The following CASK variants were observed in gnomAD, a reference collection of about 807,000 sequenced individuals.
CASK encodes calcium/calmodulin dependent serine protein kinase.
A neutral mutation model predicts 82.9 loss-of-function variants in CASK; 4 were observed. The observed-to-expected ratio is 0.05, with a 90% CI of 0.02 to 0.11. CASK has a LOEUF of 0.11. Among genes scored for constraint, CASK ranks in the 10% least tolerant of loss-of-function variants. The probability of loss-of-function intolerance (pLI) is 1.00; values close to 1 mark genes in which losing one functional copy is unlikely to be tolerated. For synonymous variants in CASK, 259 were observed against 253.5 expected (o/e 1.02, Z -0.20); for missense variants, 358 against 720.9 (o/e 0.50, Z 5.76).
intron 16 of CASK, 100 bp from the exon 17 acceptor site, chrX:41,561,744 T>C (rs747229318): frequency 3.7e-5 from 23 of 623,401 alleles, no homozygotes; most frequent in Non-Finnish European, 5.6e-5. Flanking sequence ...AAGTTGAATA[T>C]TGAGGGCCAA....
rs2072817690 is a variant in CASK at position 41,923,127 on chromosome X, G to C, written c.-139C>G. On this transcript the variant is annotated 5_prime_UTR_variant, in exon 1 of 27. Coordinates refer to ENST00000378163, the MANE Select transcript of CASK (RefSeq NM_001367721.1). ...CCTCGGTGCCGAGGACGCTCGAGTG[G>C]GGCCGCGAGGCCCAGAGACTGCGGC... The C allele has an allele frequency of 2.2e-6, 1 of 449,335 alleles. No individual in the cohort carries two copies. The highest frequency in any genetic ancestry group is 3.7e-6 in the Non-Finnish European group (1 of 268,996). The allele number at this position is 449,335 out of a possible 1,213,427, so 37.0% of individuals were successfully genotyped here.
At chrX:41,617,048 A>C (rs1438313433) in intron 11 of CASK, among the ~76,000 whole-genome samples, 1 of 112,147 alleles carries the variant, frequency 8.9e-6, no homozygotes, top group Non-Finnish European at 1.9e-5. Context: ...CCTGAAGTAA[A>C]CGGTATAGAA....
At chrX:41,898,404 T>C (rs769682360) in intron 1 of CASK, among the ~76,000 whole-genome samples, 62 of 112,002 alleles carry the variant, frequency 5.5e-4, no homozygotes, top group African/African-American at 1.9e-3. Flanking sequence ...GTTCTGTTGA[T>C]AACTTCTATT....
chrX:41,830,579 G>C (rs1184061780), intron 2 of CASK, among the ~76,000 whole-genome samples: 1 of 110,084 alleles, frequency 9.1e-6, no homozygotes, highest in Non-Finnish European at 1.9e-5. Context: ...CCAGCACTTT[G>C]GGAGGCCAAG....
chrX:41,685,951 A>C, intron 5 of CASK, among the ~76,000 whole-genome samples: 1 of 111,531 alleles, frequency 9.0e-6, no homozygotes, highest in Non-Finnish European at 1.9e-5. Flanking sequence ...CAGGTGTGAA[A>C]AAGTATTTTC....
At chrX:41,817,211 G>C (rs1161753091) in intron 2 of CASK, among the ~76,000 whole-genome samples, 1 of 112,146 alleles carries the variant, frequency 8.9e-6, no homozygotes, top group African/African-American at 3.2e-5. Flanking sequence ...GGAATAGAAA[G>C]AAACTTCTTC....
chrX:41,825,812 T>G (rs746757750), intron 2 of CASK, among the ~76,000 whole-genome samples: 40 of 112,415 alleles, frequency 3.6e-4, no homozygotes, highest in Non-Finnish European at 6.4e-4. Context: ...TATTCATTCT[T>G]AAGAGAAGAA....
chrX:41,749,532 C>T, intron 3 of CASK, among the ~76,000 whole-genome samples: 1 of 104,719 alleles, frequency 9.5e-6, no homozygotes, highest in Middle Eastern at 4.9e-3. Flanking sequence ...ACTACACGTG[C>T]TTGCCACCAT....
At chrX:41,633,423 G>T (rs1005498979) in intron 9 of CASK, among the ~76,000 whole-genome samples, 2 of 110,487 alleles carry the variant, frequency 1.8e-5, no homozygotes, top group Admixed American at 9.8e-5. Context: ...TTAGAGTACA[G>T]GTGTGCCCCC....
intron 3 of CASK, among the ~76,000 whole-genome samples, chrX:41,785,978 G>A (rs1336509772): frequency 8.9e-6 from 1 of 112,264 alleles, no homozygotes; most frequent in Non-Finnish European, 1.9e-5. Context: ...GCTGCTCTAT[G>A]GAGAGGCCCA....
At chrX:41,767,561 GC>G (rs1035755397) in intron 3 of CASK, among the ~76,000 whole-genome samples, 2 of 111,773 alleles carry the variant, frequency 1.8e-5, no homozygotes, top group Admixed American at 9.5e-5. Flanking sequence ...TTTTTCCCTT[GC>G]CATTTAGGAT....
intron 5 of CASK, among the ~76,000 whole-genome samples, chrX:41,720,716 G>A (rs1298284022): frequency 9.0e-6 from 1 of 111,211 alleles, no homozygotes; most frequent in Non-Finnish European, 1.9e-5. Context: ...CTGGCTCTGA[G>A]GGAAATTGAT....
At chrX:41,783,005 C>T (rs1182178010) in intron 3 of CASK, among the ~76,000 whole-genome samples, 9 of 110,292 alleles carry the variant, frequency 8.2e-5, no homozygotes, top group Non-Finnish European at 1.1e-4. Context: ...ATTAGCCAGG[C>T]GTGGTGGCAT....
At chrX:41,881,304 T>C in intron 1 of CASK, among the ~76,000 whole-genome samples, 1 of 111,809 alleles carries the variant, frequency 8.9e-6, no homozygotes, top group South Asian at 3.7e-4. Context: ...TAAAGTATGT[T>C]ATGGAGTTTG....
chrX:41,613,528 A>G (rs2066139748), intron 11 of CASK, among the ~76,000 whole-genome samples: 1 of 95,430 alleles, frequency 1.0e-5, no homozygotes, highest in Admixed American at 1.2e-4. Context: ...TAGGAAAACC[A>G]GAGACCTTTG....
chrX:41,787,283 T>G lies in CASK; in HGVS notation c.173A>C (p.Asp58Ala). The change falls in exon 3 of 27, where the codon GAT becomes GCT. Residue 58 changes from aspartate (D) to alanine (A), a missense_variant and splice_region_variant. Asp to Ala is a moderately radical substitution (Grantham distance 126). Transcript: ENST00000378163. ...FTSSPGLSTE[D>A]LKREASICHM... ...ACAGATACTGGCTTCCCGCTTTAGA[T>G]CTGTAAAACAAACATACAGCATACT... 1 of 1,109,795 alleles carries G rather than the reference T, an allele frequency of 9.0e-7. No homozygotes were observed. The highest frequency in any genetic ancestry group is 1.2e-6 in the Non-Finnish European group (1 of 802,754). The allele number at this position is 1,109,795 out of a possible 1,213,427, so 91.5% of individuals were successfully genotyped here.
chrX:41,853,724 C>T, intron 1 of CASK, among the ~76,000 whole-genome samples: 1 of 111,700 alleles, frequency 9.0e-6, no homozygotes, highest in South Asian at 3.7e-4. Flanking sequence ...CTCTTCTCTC[C>T]ATGTCCCACA....
chrX:41,843,681 AC>A (rs1255625433), intron 2 of CASK, among the ~76,000 whole-genome samples: 1 of 111,140 alleles, frequency 9.0e-6, no homozygotes, highest in Non-Finnish European at 1.9e-5. Flanking sequence ...CCATTACCAG[AC>A]ACTCCCCATC....
At chrX:41,607,130 G>A (rs2065974861) in intron 12 of CASK, among the ~76,000 whole-genome samples, 1 of 112,792 alleles carries the variant, frequency 8.9e-6, no homozygotes, top group South Asian at 3.6e-4. Flanking sequence ...GGAAAGTTAA[G>A]TATGTTTTTC....
Sources: allele counts gnomAD v4.1 joint callset (sites outside exome capture counted in the v4.1 genomes callset), GRCh38; gene constraint gnomAD v4.1.1; transcripts MANE v1.5; gene names NCBI Gene and HGNC (gene_info 2026-07-23, HGNC 2026-07-21).